The following GRM7 variants were observed in gnomAD, a reference collection of about 807,000 sequenced individuals.
GRM7 encodes glutamate metabotropic receptor 7, also known as metabotropic glutamate receptor 7.
Under a neutral mutation model 84.5 loss-of-function variants are expected in GRM7, and 35 were observed. The ratio of observed to expected loss-of-function variants is 0.41; its 90% confidence interval spans 0.32 to 0.55. The LOEUF (loss-of-function observed/expected upper bound fraction) is 0.55, where lower values mean the gene tolerates loss of function less well. Among genes scored for constraint, GRM7 ranks in the 20% least tolerant of loss-of-function variants. GRM7 has a pLI of 0.19. For missense variants in GRM7, 1,003 were observed against 1,194.6 expected (o/e 0.84, Z 2.36); for synonymous variants, 487 against 455.1 (o/e 1.07, Z -0.89).
chr3:6,938,324 T>C (rs1697761383), intron 1 of GRM7, among the ~76,000 whole-genome samples: 1 of 152,224 alleles, frequency 6.6e-6, no homozygotes, highest in African/African-American at 2.4e-5. Context: ...TATCATATTC[T>C]ACCATGTGGC....
chr3:6,970,842 C>T (rs540962112), intron 1 of GRM7, among the ~76,000 whole-genome samples: 5 of 152,022 alleles, frequency 3.3e-5, no homozygotes, highest in Non-Finnish European at 7.4e-5. Flanking sequence ...ATTAGCCGGG[C>T]GTGGTGGCGG....
At chr3:6,894,528 T>G (rs1696100751) in intron 1 of GRM7, among the ~76,000 whole-genome samples, 2 of 152,166 alleles carry the variant, frequency 1.3e-5, no homozygotes, top group South Asian at 4.1e-4. Context: ...TACATTGTAA[T>G]TGTAATATAT....
intron 2 of GRM7, among the ~76,000 whole-genome samples, chr3:7,235,636 G>A (rs1336204509): frequency 6.6e-6 from 1 of 152,086 alleles, no homozygotes; most frequent in Non-Finnish European, 1.5e-5. Flanking sequence ...TTTATATCTT[G>A]CCTCTCTATT....
At chr3:7,034,570 A>T (rs928902153) in intron 1 of GRM7, among the ~76,000 whole-genome samples, 11 of 152,244 alleles carry the variant, frequency 7.2e-5, no homozygotes, top group African/African-American at 2.7e-4. Flanking sequence ...TGTGAACTTC[A>T]TTATTACTTT....
intron 9 of GRM7, among the ~76,000 whole-genome samples, chr3:7,683,733 T>G (rs1700470690): frequency 6.6e-6 from 1 of 152,244 alleles, no homozygotes; most frequent in African/African-American, 2.4e-5. Context: ...AAGAAATACA[T>G]TTGTTATTTT....
intron 2 of GRM7, among the ~76,000 whole-genome samples, chr3:7,183,627 AAAT>A (rs1211182003): frequency 1.3e-5 from 2 of 152,270 alleles, no homozygotes; most frequent in South Asian, 4.1e-4. Context: ...TCCATCTCAA[AAAT>A]AATAATAATA....
intron 1 of GRM7, among the ~76,000 whole-genome samples, chr3:7,029,756 G>C (rs1470483190): frequency 6.6e-6 from 1 of 152,114 alleles, no homozygotes; most frequent in African/African-American, 2.4e-5. Flanking sequence ...TTCAGTTTGG[G>C]AAGATGAAAA....
intron 4 of GRM7, among the ~76,000 whole-genome samples, chr3:7,311,879 G>A (rs997344612): frequency 5.3e-5 from 8 of 152,148 alleles, no homozygotes; most frequent in African/African-American, 1.9e-4. Flanking sequence ...ACAGGCATAA[G>A]CCACTGCACC....
chr3:7,059,081 A>G (rs1697334396), intron 1 of GRM7, among the ~76,000 whole-genome samples: 2 of 151,784 alleles, frequency 1.3e-5, no homozygotes, highest in South Asian at 4.1e-4. Flanking sequence ...CTTTGAATAC[A>G]TTTTGCTTCT....
intron 1 of GRM7, among the ~76,000 whole-genome samples, chr3:6,895,786 A>G (rs1174070287): frequency 2.0e-5 from 3 of 152,238 alleles, no homozygotes; most frequent in Non-Finnish European, 2.9e-5. Flanking sequence ...AGTTATCCAC[A>G]TAATATTTAG....
chr3:7,554,106 G>A (rs529308270), intron 7 of GRM7, among the ~76,000 whole-genome samples: 16 of 152,286 alleles, frequency 1.1e-4, no homozygotes, highest in Middle Eastern at 3.4e-3. Flanking sequence ...AAAGTAGAAC[G>A]TTGCTAGATC....
chr3:7,608,875 T>C (rs917985589), intron 8 of GRM7, among the ~76,000 whole-genome samples: 2 of 152,188 alleles, frequency 1.3e-5, no homozygotes, highest in African/African-American at 4.8e-5. Flanking sequence ...TTAATCTATC[T>C]TGAGTTGATT....
intron 9 of GRM7, among the ~76,000 whole-genome samples, chr3:7,724,907 G>A (rs995422001): frequency 1.3e-5 from 2 of 151,980 alleles, no homozygotes; most frequent in African/African-American, 4.8e-5. Flanking sequence ...GGGACCACAG[G>A]CGCTTGACAC....
At chr3:6,898,559 C>T (rs945283162) in intron 1 of GRM7, among the ~76,000 whole-genome samples, 11 of 152,060 alleles carry the variant, frequency 7.2e-5, no homozygotes, top group African/African-American at 2.7e-4. Context: ...CAATTTCCAC[C>T]TTCTACTCTC....
chr3:7,319,095 A>T (rs1700681666), intron 4 of GRM7, among the ~76,000 whole-genome samples: 1 of 152,032 alleles, frequency 6.6e-6, no homozygotes, highest in Non-Finnish European at 1.5e-5. Flanking sequence ...AAAAGATATA[A>T]GATACTGTGC....
intron 7 of GRM7, among the ~76,000 whole-genome samples, chr3:7,564,423 G>T (rs1357822927): frequency 6.6e-6 from 1 of 152,102 alleles, no homozygotes; most frequent in East Asian, 1.9e-4. Flanking sequence ...CAATGCTCAT[G>T]TTATTATCTA....
intron 1 of GRM7, among the ~76,000 whole-genome samples, chr3:7,055,274 A>G (rs1697173873): frequency 6.6e-6 from 1 of 151,538 alleles, no homozygotes; most frequent in African/African-American, 2.4e-5. Flanking sequence ...CTATTTTTCA[A>G]GACTGTTAAT....
intron 2 of GRM7, among the ~76,000 whole-genome samples, chr3:7,291,686 A>T (rs1327904734): frequency 6.6e-6 from 1 of 152,066 alleles, no homozygotes; most frequent in Non-Finnish European, 1.5e-5. Flanking sequence ...TGGGAAACAC[A>T]CTTGACCCCT....
At chr3:7,045,760 A>C (rs969066092) in intron 1 of GRM7, among the ~76,000 whole-genome samples, 1 of 152,246 alleles carries the variant, frequency 6.6e-6, no homozygotes, top group East Asian at 1.9e-4. Context: ...TGTGTATGTC[A>C]TATTTTCATT....
Sources: gnomAD v4.1 joint callset for allele counts (sites outside exome capture counted in the v4.1 genomes callset) on GRCh38, gnomAD v4.1.1 for gene constraint, MANE v1.5 for transcripts, NCBI Gene and HGNC (gene_info 2026-07-23, HGNC 2026-07-21) for gene names.